Variants in GABBR2 observed in about 807,000 individuals in gnomAD.
GABBR2 encodes the protein gamma-aminobutyric acid type B receptor subunit 2, also known as G-protein coupled receptor 51.
A neutral mutation model predicts 105.6 loss-of-function variants in GABBR2; 23 were observed. The observed-to-expected ratio is 0.22, with a 90% CI of 0.16 to 0.31. GABBR2 has a LOEUF of 0.31. Among genes scored for constraint, GABBR2 ranks in the 10% least tolerant of loss-of-function variants. The pLI, the probability that GABBR2 is intolerant of heterozygous loss-of-function variation, is 1.00. For synonymous variants in GABBR2, 478 were observed against 499.7 expected (o/e 0.96, Z 0.58); for missense variants, 734 against 1,245.5 (o/e 0.59, Z 6.18).
intron 11 of GABBR2, chr9:98,375,136 C>A (rs1473578712): frequency 6.6e-6 from 1 of 152,274 alleles, no homozygotes; most frequent in Non-Finnish European, 1.5e-5. Flanking sequence ...CAGGGTGCAG[C>A]CCCCTCTACC....
At chr9:98,665,143 C>A (rs1830316843) in intron 1 of GABBR2, among the ~76,000 whole-genome samples, 1 of 152,044 alleles carries the variant, frequency 6.6e-6, no homozygotes, top group African/African-American at 2.4e-5. Context: ...GTGGCATGCA[C>A]CTGTTGTATT....
chr9:98,388,593 C>T lies in GABBR2; in HGVS notation c.1529+261G>A, dbSNP rs1832117877. On this transcript the variant is annotated intron_variant, in intron 10 of 18. Coordinates refer to ENST00000259455, the MANE Select transcript of GABBR2 (RefSeq NM_005458.8). The surrounding 1 kb of genome is among the most constrained non-coding windows in gnomAD (Gnocchi z 4.4). ...ACTTCCTCAAACTTATTTGACTAAA[C>T]TCCTGTGCAACCAGCAGCCTGGCCT... Among the ~76,000 whole-genome samples the T allele has an allele frequency of 6.6e-6, 1 of 151,436 alleles. No individual in the cohort carries two copies. Among genetic ancestry groups the T allele is most frequent in the South Asian group, 2.1e-4 (1 of 4,788 alleles).
At chr9:98,356,737 T>C (rs1350754545) in intron 13 of GABBR2, among the ~76,000 whole-genome samples, 1 of 152,206 alleles carries the variant, frequency 6.6e-6, no homozygotes, top group African/African-American at 2.4e-5. Context: ...TTATGTATAA[T>C]TGCCAAAACT....
intron 3 of GABBR2, among the ~76,000 whole-genome samples, chr9:98,499,417 G>C (rs184305779): frequency 1.7e-4 from 26 of 152,242 alleles, no homozygotes; most frequent in Admixed American, 1.7e-3. Flanking sequence ...GGACAGTTTC[G>C]GAGGCCCGAT....
chr9:98,508,296 G>T (rs778602257), intron 3 of GABBR2, among the ~76,000 whole-genome samples: 12 of 152,220 alleles, frequency 7.9e-5, no homozygotes, highest in Admixed American at 7.2e-4. Flanking sequence ...AGCCAAGATG[G>T]CCGAATAGGA....
At chr9:98,336,325 T>C (rs181983050) in intron 13 of GABBR2, among the ~76,000 whole-genome samples, 4 of 152,310 alleles carry the variant, frequency 2.6e-5, no homozygotes, top group African/African-American at 7.2e-5. Flanking sequence ...CTGGATTGTG[T>C]AGGACCTGTA....
intron 4 of GABBR2, among the ~76,000 whole-genome samples, chr9:98,489,963 G>A (rs925824813): frequency 5.3e-5 from 8 of 152,164 alleles, no homozygotes; most frequent in African/African-American, 1.9e-4. Flanking sequence ...CTTGGTGGAG[G>A]GCACCTGTAA....
intron 3 of GABBR2, among the ~76,000 whole-genome samples, chr9:98,502,524 GT>G (rs1827423067): frequency 6.6e-6 from 1 of 152,166 alleles, no homozygotes; most frequent in Non-Finnish European, 1.5e-5. Context: ...CACCCACACT[GT>G]CTCTGCTTTA....
chr9:98,548,667 C>T (rs1382674118), intron 2 of GABBR2, among the ~76,000 whole-genome samples: 6 of 119,176 alleles, frequency 5.0e-5, no homozygotes, highest in African/African-American at 1.6e-4. Context: ...CAATAGCTAT[C>T]CAATTTTCTA....
intron 1 of GABBR2, among the ~76,000 whole-genome samples, chr9:98,620,651 G>C (rs1472717580): frequency 6.6e-6 from 1 of 152,168 alleles, no homozygotes. Context: ...CTGGGAATTA[G>C]GTTTTGAATC....
intron 1 of GABBR2, among the ~76,000 whole-genome samples, chr9:98,608,992 C>T (rs1829468698): frequency 6.6e-6 from 1 of 152,166 alleles, no homozygotes; most frequent in Admixed American, 6.5e-5. Context: ...TACCTATATG[C>T]AGTCTCTTAA....
intron 13 of GABBR2, among the ~76,000 whole-genome samples, chr9:98,357,867 T>A (rs554120928): frequency 1.2e-4 from 19 of 152,300 alleles, no homozygotes; most frequent in African/African-American, 4.3e-4. Flanking sequence ...CTTCTTTTTT[T>A]AAAAAATGGT....
intron 1 of GABBR2, among the ~76,000 whole-genome samples, chr9:98,625,553 T>C (rs1829726149): frequency 6.6e-6 from 1 of 152,158 alleles, no homozygotes; most frequent in African/African-American, 2.4e-5. Flanking sequence ...GGGGCTATGA[T>C]ATCCCCTCGC....
intron 4 of GABBR2, among the ~76,000 whole-genome samples, chr9:98,484,867 G>A (rs1362438056): frequency 6.6e-6 from 1 of 152,202 alleles, no homozygotes. Flanking sequence ...TGAAAGTCCA[G>A]AGAGTAGAAA....
chr9:98,671,429 T>C lies in GABBR2; in HGVS notation c.321+36988A>G, dbSNP rs144013998. On this transcript the variant is annotated intron_variant, in intron 1 of 18. Transcript: ENST00000259455. ...GGACATTTAGATTCTTTCCACCTTA[T>C]TGGCTATTCTAAATAATGCTGCTAT... is the stretch of plus-strand genomic sequence containing the variant. 2.2e-4 allele frequency among the ~76,000 whole-genome samples: 34 copies of C among 152,358 alleles called. No individual in the cohort carries two copies. In the South Asian group the frequency reaches 2.5e-3, roughly 11 times the overall value.
chr9:98,441,576 A>G (rs1826031917), intron 7 of GABBR2, among the ~76,000 whole-genome samples: 1 of 152,190 alleles, frequency 6.6e-6, no homozygotes, highest in African/African-American at 2.4e-5. Flanking sequence ...CCTGTTGGCT[A>G]GGCTGGTCTA....
chr9:98,650,939 A>C (rs1830094476), intron 1 of GABBR2, among the ~76,000 whole-genome samples: 1 of 152,128 alleles, frequency 6.6e-6, no homozygotes, highest in Non-Finnish European at 1.5e-5. Context: ...GGAGTTGTTT[A>C]ATGAGTACAG....
intron 2 of GABBR2, among the ~76,000 whole-genome samples, chr9:98,564,216 G>A (rs1415941358): frequency 1.3e-5 from 2 of 152,192 alleles, no homozygotes; most frequent in African/African-American, 4.8e-5. Context: ...AGCTGGAGAG[G>A]GAGGCAGAGA....
chr9:98,442,969 C>G (rs1371568202), intron 7 of GABBR2, among the ~76,000 whole-genome samples: 2 of 152,170 alleles, frequency 1.3e-5, no homozygotes, highest in African/African-American at 4.8e-5. Context: ...CTGTAACAAC[C>G]CTATTTCCAA....
Sources: allele counts gnomAD v4.1 joint callset (sites outside exome capture counted in the v4.1 genomes callset), GRCh38; gene constraint gnomAD v4.1.1; non-coding constraint Gnocchi (gnomAD v3.1); transcripts MANE v1.5; gene names NCBI Gene and HGNC (gene_info 2026-07-23, HGNC 2026-07-21).